The following HORMAD2 variants were observed in gnomAD, a reference collection of about 807,000 sequenced individuals.
HORMAD2 encodes the protein HORMA domain containing 2.
In HORMAD2, 45 loss-of-function variants were observed where a neutral mutation model predicts 38.8. That is an observed-to-expected ratio of 1.16 (90% CI 0.91 to 1.49). HORMAD2 has a LOEUF of 1.49. HORMAD2 is among the 40% of genes most tolerant of loss of function. The pLI, the probability that HORMAD2 is intolerant of heterozygous loss-of-function variation, is 0.00. For synonymous variants in HORMAD2, 126 were observed against 122.8 expected, an observed-to-expected ratio of 1.03 and a Z score of -0.17; for missense variants, 338 against 367.0, an observed-to-expected ratio of 0.92 and a Z score of 0.65.
chr22:30,205,818 T>C, the HORMAD2 span, among the ~76,000 whole-genome samples: 1 of 151,922 alleles, frequency 6.6e-6, no homozygotes, highest in Non-Finnish European at 1.5e-5. Context: ...CTGAATGAGG[T>C]CACTGAATGT....
At chr22:30,157,974 A>G (rs952296557) in intron 10 of HORMAD2, among the ~76,000 whole-genome samples, 2 of 152,182 alleles carry the variant, frequency 1.3e-5, no homozygotes, top group African/African-American at 4.8e-5. Context: ...AAACATTTTC[A>G]AATATATGAT....
chr22:30,161,244 A>G (rs988769914), intron 10 of HORMAD2, among the ~76,000 whole-genome samples: 1 of 152,232 alleles, frequency 6.6e-6, no homozygotes, highest in Non-Finnish European at 1.5e-5. Flanking sequence ...GATATTTTAT[A>G]GGACCTATCT....
At chr22:30,189,914 A>G in the HORMAD2 span, among the ~76,000 whole-genome samples, 1 of 151,938 alleles carries the variant, frequency 6.6e-6, no homozygotes, top group Admixed American at 6.6e-5. Flanking sequence ...TGTCTTGGAA[A>G]ACCACTCATG....
chr22:30,157,842 T>C (rs1925180820), intron 10 of HORMAD2, among the ~76,000 whole-genome samples: 1 of 152,214 alleles, frequency 6.6e-6, no homozygotes, highest in South Asian at 2.1e-4. Flanking sequence ...TTAAAAAAAT[T>C]CACCATGCCA....
intron 10 of HORMAD2, among the ~76,000 whole-genome samples, chr22:30,171,145 C>T (rs2123738038): frequency 6.6e-6 from 1 of 152,302 alleles, no homozygotes; most frequent in African/African-American, 2.4e-5. Context: ...TGTCCTGATC[C>T]TTTTCCCTTC....
chr22:30,149,362 A>G (rs1924610202), intron 10 of HORMAD2, among the ~76,000 whole-genome samples: 1 of 152,240 alleles, frequency 6.6e-6, no homozygotes. Context: ...GACTAAATAA[A>G]ACAATAAGTT....
chr22:30,171,533 C>A (rs1926108688), intron 10 of HORMAD2, among the ~76,000 whole-genome samples: 1 of 152,134 alleles, frequency 6.6e-6, no homozygotes. Context: ...CACTGCCATG[C>A]AAGTTATCAC....
At chr22:30,198,109 G>A in the HORMAD2 span, among the ~76,000 whole-genome samples, 5 of 152,188 alleles carry the variant, frequency 3.3e-5, no homozygotes, top group African/African-American at 4.8e-5. Flanking sequence ...ACTTGAACCC[G>A]GGAGGCGAAG....
chr22:30,162,139 C>T (rs946210167), intron 10 of HORMAD2, among the ~76,000 whole-genome samples: 3 of 152,116 alleles, frequency 2.0e-5, no homozygotes, highest in Admixed American at 2.0e-4. Flanking sequence ...ATGGTGAAAA[C>T]CCGTCTCTAC....
intron 5 of HORMAD2, among the ~76,000 whole-genome samples, chr22:30,110,205 T>C (rs766053636): frequency 6.6e-6 from 1 of 152,018 alleles, no homozygotes; most frequent in African/African-American, 2.4e-5. Flanking sequence ...TATACAGGTA[T>C]CAAAATATCA....
At chr22:30,175,396 A>G (rs537781869) in intron 10 of HORMAD2, among the ~76,000 whole-genome samples, 1 of 147,314 alleles carries the variant, frequency 6.8e-6, no homozygotes, top group African/African-American at 2.5e-5. Context: ...CCTCCCATCT[A>G]GTGGCTGGAA....
At position 30,103,488 on chromosome 22, in the gene HORMAD2, A is replaced by G. The variant is rs751231022; in HGVS notation, c.245A>G (p.His82Arg). ...REDKKCPGSL[H>R]IIRWIQGCFD... is the part of the protein sequence containing the mutation. ...GATAAAAAATGTCCCGGGTCACTGC[A>G]TATTATCAGATGGTAAGTAATAGAA... Residue 82 changes from histidine (H) to arginine (R), a missense_variant, in exon 4 of 11, where the codon CAT becomes CGT. His to Arg is a conservative substitution (Grantham distance 29). Coordinates refer to ENST00000336726, the MANE Select transcript of HORMAD2 (RefSeq NM_152510.4). 1.1e-5 allele frequency: 16 copies of G among 1,505,114 alleles called. No homozygotes were observed. Among genetic ancestry groups the G allele is most frequent in the Non-Finnish European group, 1.4e-5 (16 of 1,104,024 alleles). 93.2% of individuals were successfully genotyped at this position (1,505,114 alleles called of 1,614,324 possible).
chr22:30,170,960 A>G (rs1329938814), intron 10 of HORMAD2, among the ~76,000 whole-genome samples: 1 of 152,142 alleles, frequency 6.6e-6, no homozygotes, highest in Non-Finnish European at 1.5e-5. Flanking sequence ...TCTCAGCAAC[A>G]CCTGACACTA....
At chr22:30,153,646 C>G (rs2146203214) in intron 10 of HORMAD2, among the ~76,000 whole-genome samples, 1 of 152,276 alleles carries the variant, frequency 6.6e-6, no homozygotes, top group Admixed American at 6.5e-5. Flanking sequence ...GCTTTCTGTT[C>G]TCTTTAACCC....
the HORMAD2 span, among the ~76,000 whole-genome samples, chr22:30,196,847 C>T: frequency 6.6e-6 from 1 of 152,194 alleles, no homozygotes; most frequent in Admixed American, 6.5e-5. Context: ...TGAAATTGCT[C>T]ACCCTCTCAT....
chr22:30,196,938 G>C, the HORMAD2 span, among the ~76,000 whole-genome samples: 1 of 152,168 alleles, frequency 6.6e-6, no homozygotes, highest in Non-Finnish European at 1.5e-5. Flanking sequence ...CAATGTAAAT[G>C]AGGAATCCTT....
chr22:30,143,085 T>A (rs1224935120), intron 10 of HORMAD2, among the ~76,000 whole-genome samples: 2 of 152,216 alleles, frequency 1.3e-5, no homozygotes, highest in African/African-American at 4.8e-5. Flanking sequence ...CTACTCAGCT[T>A]CTTTGTGCTA....
chr22:30,130,265 G>T (rs1233826771), intron 10 of HORMAD2, among the ~76,000 whole-genome samples: 2 of 152,056 alleles, frequency 1.3e-5, no homozygotes, highest in Non-Finnish European at 2.9e-5. Context: ...TTCTACTAAT[G>T]GTTGAAATTA....
chr22:30,093,651 G>A (rs1008136730), intron 1 of HORMAD2, among the ~76,000 whole-genome samples: 2 of 152,012 alleles, frequency 1.3e-5, no homozygotes, highest in South Asian at 2.1e-4. Context: ...TTAACAATAG[G>A]TACTTTTTTC....
Sources: gnomAD v4.1 joint callset for allele counts (sites outside exome capture counted in the v4.1 genomes callset) on GRCh38, gnomAD v4.1.1 for gene constraint, MANE v1.5 for transcripts, NCBI Gene and HGNC (gene_info 2026-07-23, HGNC 2026-07-21) for gene names.